The following PCMT1 variants were observed in gnomAD, a reference collection of about 807,000 sequenced individuals.
The protein encoded by PCMT1 is protein-L-isoaspartate(D-aspartate) O-methyltransferase.
Under a neutral mutation model 29.2 loss-of-function variants are expected in PCMT1, and 9 were observed. The ratio of observed to expected loss-of-function variants is 0.31; its 90% CI spans 0.19 to 0.54. The LOEUF (loss-of-function observed/expected upper bound fraction) is 0.54, where lower values mean the gene tolerates loss of function less well. Among genes scored for constraint, PCMT1 ranks in the 20% least tolerant of loss-of-function variants. The pLI, the probability that PCMT1 is intolerant of heterozygous loss-of-function variation, is 0.95. For missense variants in PCMT1, 184 were observed against 282.2 expected (o/e 0.65, Z 2.49); for synonymous variants, 98 against 97.5 (o/e 1.00, Z -0.03).
At chr6:149,805,589 G>A (rs148301365) in intron 7 of PCMT1, among the ~76,000 whole-genome samples, 6 of 151,634 alleles carry the variant, frequency 4.0e-5, no homozygotes, top group East Asian at 3.9e-4. Context: ...GCGAGACTCC[G>A]TCTCAAAAAA....
In PCMT1 at chr6:149,763,273, AATATCTATGATATCTATGATATAT is replaced by A. The variant is rs1786937252; in HGVS notation, c.56-7875_56-7852del. Among the ~76,000 whole-genome samples the A allele has an allele frequency of 2.9e-4, 16 of 54,616 alleles. 6 individuals are homozygous for A. The South Asian group carries it at 5.5e-3, about 19-fold the overall frequency. The allele number at this position is 54,616 out of a possible 152,430, so 35.8% of individuals were successfully genotyped here. A position where few individuals can be genotyped will look rare whatever the true frequency, so the allele number is the denominator to read the frequency against. On this transcript the variant is annotated intron_variant, in intron 1 of 7. Transcript: ENST00000464889. ...ATATATCTATGATATCTATGATATA[AATATCTATGATATCTATGATATAT>A]ATATCTATGATATATATATCATAGA...
At chr6:149,774,223 GC>G (rs757592742) in intron 3 of PCMT1, among the ~76,000 whole-genome samples, 21 of 151,530 alleles carry the variant, frequency 1.4e-4, no homozygotes, top group Non-Finnish European at 2.6e-4. Flanking sequence ...AAGAACAATA[GC>G]TTTTCTTTTC....
chr6:149,797,411 A>T (rs1788661153), intron 6 of PCMT1: 1 of 152,216 alleles, frequency 6.6e-6, no homozygotes, highest in Admixed American at 6.5e-5. Flanking sequence ...ATGGCCGGGC[A>T]TGGTGGCTCA....
intron 3 of PCMT1, among the ~76,000 whole-genome samples, chr6:149,781,258 G>T (rs186654158): frequency 7.3e-6 from 1 of 136,678 alleles, no homozygotes; most frequent in Non-Finnish European, 1.5e-5. Flanking sequence ...ACAGAGTCTC[G>T]CTCTGTCACC....
chr6:149,750,313 G>A (rs1786255174), intron 1 of PCMT1: 2 of 294,372 alleles, frequency 6.8e-6, no homozygotes, highest in South Asian at 6.5e-5. Context: ...CGGGGTGGGA[G>A]CGTGTGGGCT....
chr6:149,784,497 G>A (rs1405396467), intron 3 of PCMT1, among the ~76,000 whole-genome samples: 2 of 150,592 alleles, frequency 1.3e-5, no homozygotes, highest in Non-Finnish European at 1.5e-5. Context: ...TTGAGGCAGA[G>A]TCATGCTCTG....
Position 149,774,388 on chromosome 6 carries a change from C to T in PCMT1, c.192+1219C>T, listed in dbSNP as rs9767306. Among the ~76,000 whole-genome samples, 1,108 of 151,194 alleles carry T rather than the reference C, an allele frequency of 7.3e-3. 9 individuals are homozygous for T. Among genetic ancestry groups the T allele is most frequent in the African/African-American group, 0.026 (1,065 of 41,224 alleles). On this transcript the variant is annotated intron_variant, in intron 3 of 7. Transcript: ENST00000464889. ...CTGAGTAACTAGCATTACAGGTGCC[C>T]GCCACCACACTCAGCTTATGTTTTG...
chr6:149,775,323 A>T (rs1484009758), intron 3 of PCMT1, among the ~76,000 whole-genome samples: 8 of 152,206 alleles, frequency 5.3e-5, no homozygotes, highest in Non-Finnish European at 1.2e-4. Flanking sequence ...GACAGAAAAC[A>T]CAGAAGCCAT....
At chr6:149,775,189 G>A (rs915742688) in intron 3 of PCMT1, among the ~76,000 whole-genome samples, 2 of 152,240 alleles carry the variant, frequency 1.3e-5, no homozygotes, top group Admixed American at 6.5e-5. Context: ...TGGGGTTGGA[G>A]AAGCTCTTAT....
intron 1 of PCMT1, among the ~76,000 whole-genome samples, chr6:149,751,829 T>C (rs964358852): frequency 1.3e-5 from 2 of 151,668 alleles, no homozygotes; most frequent in African/African-American, 4.8e-5. Flanking sequence ...GGGGGGACAA[T>C]ACTTAATGTG....
chr6:149,793,308 T>G (rs1264529550), intron 4 of PCMT1, among the ~76,000 whole-genome samples: 1 of 152,218 alleles, frequency 6.6e-6, no homozygotes, highest in Non-Finnish European at 1.5e-5. Flanking sequence ...CTAGATTTAA[T>G]CTAAGAAAGA....
intron 7 of PCMT1, among the ~76,000 whole-genome samples, chr6:149,810,366 T>C (rs979780253): frequency 1.3e-5 from 2 of 152,228 alleles, no homozygotes; most frequent in African/African-American, 2.4e-5. Flanking sequence ...GAAATCTATT[T>C]TTAGAAATCA....
chr6:149,757,428 G>GTTAAA (rs1360725793), intron 1 of PCMT1, among the ~76,000 whole-genome samples: 1 of 152,160 alleles, frequency 6.6e-6, no homozygotes, highest in Non-Finnish European at 1.5e-5. Context: ...TTTAGCTTTG[G>GTTAAA]TTAAATGCTT....
intron 3 of PCMT1, among the ~76,000 whole-genome samples, chr6:149,786,205 C>CG (rs1182109056): frequency 9.4e-6 from 1 of 106,758 alleles, no homozygotes; most frequent in Non-Finnish European, 1.8e-5. Flanking sequence ...GCTGGCCGGG[C>CG]GGGGGGGCTG....
chr6:149,804,278 A>G (rs1345055897), intron 7 of PCMT1, among the ~76,000 whole-genome samples: 4 of 152,036 alleles, frequency 2.6e-5, no homozygotes, highest in Non-Finnish European at 5.9e-5. Context: ...CTGAAATTTG[A>G]TAAGAAGAGT....
intron 7 of PCMT1, among the ~76,000 whole-genome samples, chr6:149,808,039 C>T (rs1776061080): frequency 6.6e-6 from 1 of 152,064 alleles, no homozygotes; most frequent in African/African-American, 2.4e-5. Flanking sequence ...ACTTTTATTA[C>T]CTTGGAAGAT....
chr6:149,753,871 G>C (rs1303021257), intron 1 of PCMT1, among the ~76,000 whole-genome samples: 1 of 152,152 alleles, frequency 6.6e-6, no homozygotes, highest in Non-Finnish European at 1.5e-5. Flanking sequence ...ACTTGAGCAT[G>C]CTTCAAAATC....
At chr6:149,760,077 C>G (rs770437091) in intron 1 of PCMT1, among the ~76,000 whole-genome samples, 2 of 152,170 alleles carry the variant, frequency 1.3e-5, no homozygotes, top group Non-Finnish European at 2.9e-5. Context: ...TCCCTCCTTT[C>G]AGATCCAATC....
chr6:149,778,036 C>G (rs1368857029), intron 3 of PCMT1, among the ~76,000 whole-genome samples: 1 of 151,702 alleles, frequency 6.6e-6, no homozygotes, highest in Non-Finnish European at 1.5e-5. Context: ...ACCACCAAGC[C>G]TGGCTAATTT....
Sources: allele counts gnomAD v4.1 joint callset (sites outside exome capture counted in the v4.1 genomes callset), GRCh38; gene constraint gnomAD v4.1.1; transcripts MANE v1.5; gene names NCBI Gene and HGNC (gene_info 2026-07-23, HGNC 2026-07-21).